Variants in CCNY observed in about 807,000 individuals in gnomAD.
CCNY encodes cyclin-Y.
A neutral mutation model predicts 42.8 loss-of-function variants in CCNY; 19 were observed. The ratio of observed to expected loss-of-function variants is 0.44; its 90% CI spans 0.31 to 0.65. CCNY has a LOEUF of 0.65. CCNY is among the 30% of genes least tolerant of loss of function. The pLI is 0.07. For synonymous variants in CCNY, 165 were observed against 162.7 expected (o/e 1.01, Z -0.11); for missense variants, 370 against 437.3 (o/e 0.85, Z 1.37).
At chr10:35,489,030 A>C (rs1839844180) in intron 2 of CCNY, among the ~76,000 whole-genome samples, 4 of 152,196 alleles carry the variant, frequency 2.6e-5, no homozygotes, top group African/African-American at 4.8e-5. Context: ...CTGTAATCCC[A>C]GCACTTTGGG....
intron 1 of CCNY, among the ~76,000 whole-genome samples, chr10:35,433,083 A>G (rs1838448981): frequency 6.6e-6 from 1 of 152,078 alleles, no homozygotes; most frequent in Non-Finnish European, 1.5e-5. Flanking sequence ...GGTGGCTCAT[A>G]CCTGTAATCC....
chr10:35,451,289 G>A (rs112382410), intron 1 of CCNY, among the ~76,000 whole-genome samples: 1,584 of 152,256 alleles, frequency 0.01, 24 homozygotes, highest in African/African-American at 0.036. Flanking sequence ...GATTTGCACC[G>A]TCATGGACTG....
At chr10:35,306,377 G>A (rs995376529) in intron 3 of CCNY, among the ~76,000 whole-genome samples, 1 of 152,162 alleles carries the variant, frequency 6.6e-6, no homozygotes, top group Non-Finnish European at 1.5e-5. Context: ...GGAAGTTGGC[G>A]CCAGGCATCT....
At chr10:35,345,836 A>G (rs1193371294) in intron 1 of CCNY, among the ~76,000 whole-genome samples, 1 of 152,274 alleles carries the variant, frequency 6.6e-6, no homozygotes, top group Middle Eastern at 3.4e-3. Context: ...GAATAGAAAT[A>G]CTATTTCTCA....
At position 35,564,340 on chromosome 10, in the gene CCNY, G is replaced by C. The variant is rs552791538; in HGVS notation, c.747-1683G>C. Reference sequence around the variant, plus strand: ...CTCCTTCCTTGCCGCCTGCCCACAGGTCCCAGTGCTCCTTTCCCCAGCAGC... The same window carrying C: ...CTCCTTCCTTGCCGCCTGCCCACAGCTCCCAGTGCTCCTTTCCCCAGCAGC... On this transcript the variant is annotated intron_variant, in intron 8 of 9. Transcript: ENST00000374704. Among the ~76,000 whole-genome samples the C allele has an allele frequency of 8.5e-5, 13 of 152,154 alleles. No individual in the cohort carries two copies. In the South Asian group the frequency reaches 2.7e-3, roughly 32 times the overall value.
chr10:35,374,463 A>C (rs1458181340), intron 1 of CCNY, among the ~76,000 whole-genome samples: 1 of 152,200 alleles, frequency 6.6e-6, no homozygotes, highest in Non-Finnish European at 1.5e-5. Flanking sequence ...TTTATCTCTC[A>C]TCTTGTGATA....
intron 7 of CCNY, among the ~76,000 whole-genome samples, chr10:35,534,727 C>G (rs1840844810): frequency 6.6e-6 from 1 of 152,000 alleles, no homozygotes; most frequent in Non-Finnish European, 1.5e-5. Context: ...ACCCCTTACC[C>G]TTTGGCATTC....
At chr10:35,249,076 G>A (rs1420089686) in intron 2 of CCNY, among the ~76,000 whole-genome samples, 5 of 152,020 alleles carry the variant, frequency 3.3e-5, no homozygotes, top group African/African-American at 7.2e-5. Context: ...ACCCCAACAG[G>A]TGCATGCCAC....
chr10:35,281,297 AT>A (rs1835296820), intron 3 of CCNY, among the ~76,000 whole-genome samples: 1 of 151,702 alleles, frequency 6.6e-6, no homozygotes, highest in African/African-American at 2.4e-5. Flanking sequence ...TTTATTATTT[AT>A]TTATTTATTT....
intron 1 of CCNY, among the ~76,000 whole-genome samples, chr10:35,344,328 T>C (rs564030156): frequency 1.3e-5 from 2 of 152,226 alleles, no homozygotes; most frequent in Non-Finnish European, 2.9e-5. Flanking sequence ...AGGTTCTACT[T>C]TTACTGAGGG....
At chr10:35,508,005 G>T (rs1840249880) in intron 3 of CCNY, among the ~76,000 whole-genome samples, 1 of 152,076 alleles carries the variant, frequency 6.6e-6, no homozygotes, top group Non-Finnish European at 1.5e-5. Context: ...TCCACTGTCT[G>T]TTTACTCGTT....
intron 1 of CCNY, among the ~76,000 whole-genome samples, chr10:35,348,442 T>C (rs949337707): frequency 1.7e-4 from 26 of 152,228 alleles, no homozygotes; most frequent in Admixed American, 3.3e-4. Context: ...TTAGGGCACA[T>C]ATCTTAAGCA....
intron 3 of CCNY, among the ~76,000 whole-genome samples, chr10:35,266,626 C>T (rs1318452046): frequency 1.3e-5 from 2 of 152,136 alleles, no homozygotes; most frequent in Non-Finnish European, 2.9e-5. Flanking sequence ...AGCCCTAATG[C>T]AATGTCGGTC....
chr10:35,337,040 G>A lies in CCNY; in HGVS notation c.-14G>A. On this transcript the variant is annotated 5_prime_UTR_variant, in exon 1 of 10. Coordinates refer to ENST00000374704, the MANE Select transcript of CCNY (RefSeq NM_145012.6). ...GAGAACAGGATAGCAGCAGGAGTCG[G>A]GGGGCCGCCGAAGATGGGGAACACT... The A allele has an allele frequency of 6.4e-7, 1 of 1,552,708 alleles. No individual in the cohort carries two copies. Among genetic ancestry groups the A allele is most frequent in the Non-Finnish European group, 8.7e-7 (1 of 1,149,040 alleles).
At chr10:35,293,599 G>C (rs1247067525) in intron 3 of CCNY, among the ~76,000 whole-genome samples, 1 of 151,902 alleles carries the variant, frequency 6.6e-6, no homozygotes, top group Non-Finnish European at 1.5e-5. Flanking sequence ...TGTGGACATG[G>C]GATGTTATCC....
chr10:35,439,299 A>T (rs1487681305), intron 1 of CCNY, among the ~76,000 whole-genome samples: 5 of 151,786 alleles, frequency 3.3e-5, no homozygotes, highest in Admixed American at 2.6e-4. Context: ...GCTTTATTTC[A>T]TTCTGGTCTA....
At chr10:35,300,172 C>T (rs965241411) in intron 3 of CCNY, among the ~76,000 whole-genome samples, 3 of 152,200 alleles carry the variant, frequency 2.0e-5, no homozygotes, top group African/African-American at 7.2e-5. Flanking sequence ...TGTAAGAGGG[C>T]TCCCATGTGG....
intron 7 of CCNY, among the ~76,000 whole-genome samples, chr10:35,549,769 C>T (rs1841208278): frequency 8.0e-6 from 1 of 125,552 alleles, no homozygotes; most frequent in Admixed American, 7.7e-5. Context: ...TGACCCTGCG[C>T]TGCTCATGAC....
intron 1 of CCNY, among the ~76,000 whole-genome samples, chr10:35,455,069 C>T (rs1838999773): frequency 6.6e-6 from 1 of 152,178 alleles, no homozygotes; most frequent in African/African-American, 2.4e-5. Flanking sequence ...AATACTGCCT[C>T]CCCTCACCAG....
Sources: gnomAD v4.1 joint callset for allele counts (sites outside exome capture counted in the v4.1 genomes callset) on GRCh38, gnomAD v4.1.1 for gene constraint, MANE v1.5 for transcripts, NCBI Gene and HGNC (gene_info 2026-07-23, HGNC 2026-07-21) for gene names.